The following SPOCK3 variants were observed in gnomAD, a reference collection of about 807,000 sequenced individuals.
The protein encoded by SPOCK3 is testican-3.
A neutral mutation model predicts 56.6 loss-of-function variants in SPOCK3; 30 were observed. The observed-to-expected ratio is 0.53, with a 90% confidence interval of 0.40 to 0.72. SPOCK3 has a LOEUF of 0.72. Among genes scored for constraint, SPOCK3 ranks in the 30% least tolerant of loss-of-function variants. The probability of loss-of-function intolerance (pLI) is 0.00; values close to 1 mark genes in which losing one functional copy is unlikely to be tolerated. For synonymous variants in SPOCK3, 196 were observed against 183.3 expected, an observed-to-expected ratio of 1.07 and a Z score of -0.56; for missense variants, 527 against 530.0, an observed-to-expected ratio of 0.99 and a Z score of 0.06.
chr4:167,233,935 C>T (rs752317883), intron 2 of SPOCK3, 50 bp downstream of exon 2: 1 of 1,553,820 alleles, frequency 6.4e-7, no homozygotes, highest in South Asian at 1.1e-5. Flanking sequence ...CGGCCCCCGC[C>T]TCGGAGCAGC....
At chr4:166,874,392 C>G (rs1017246538) in intron 6 of SPOCK3, among the ~76,000 whole-genome samples, 2 of 152,000 alleles carry the variant, frequency 1.3e-5, no homozygotes, top group African/African-American at 4.8e-5. Context: ...TTGTTAGCTT[C>G]CAAGTAGGGA....
chr4:167,169,412 C>T (rs770882577), intron 2 of SPOCK3, among the ~76,000 whole-genome samples: 2 of 152,152 alleles, frequency 1.3e-5, no homozygotes, highest in Admixed American at 6.5e-5. Context: ...ATGTGTGACA[C>T]GAAGTCAAAG....
chr4:166,927,401 G>A (rs144165048), intron 4 of SPOCK3, among the ~76,000 whole-genome samples: 158 of 152,256 alleles, frequency 1.0e-3, no homozygotes, highest in African/African-American at 3.7e-3. Context: ...CTCTCTTGCT[G>A]CCACCACGTA....
chr4:166,804,978 A>T lies in SPOCK3; in HGVS notation c.590-12689T>A, dbSNP rs536392680. On this transcript the variant is annotated intron_variant, in intron 6 of 10. Coordinates refer to ENST00000357545, the MANE Select transcript of SPOCK3 (RefSeq NM_001040159.2). ...ATGTTAATTTATTTAGATATTTAAG[A>T]TGCTTTCAACCAATATGCATCTCCA... 2.6e-5 allele frequency among the ~76,000 whole-genome samples: 4 copies of T among 152,264 alleles called. No individual in the cohort carries two copies. The East Asian group carries it at 7.7e-4, about 29-fold the overall frequency.
chr4:166,856,812 A>ATCTATCTATC (rs1560938571), intron 6 of SPOCK3, among the ~76,000 whole-genome samples: 5 of 87,820 alleles, frequency 5.7e-5, no homozygotes, highest in South Asian at 4.8e-4. Context: ...ATCTATCTAG[A>ATCTATCTATC]TATCTAGATA....
In SPOCK3 at chr4:167,036,731, A is replaced by G. The variant is rs138348418; in HGVS notation, c.235+25761T>C. Among the ~76,000 whole-genome samples, 1,292 of 152,118 alleles carry G rather than the reference A, an allele frequency of 8.5e-3. 17 individuals carry two copies. The highest frequency in any genetic ancestry group is 0.029 in the African/African-American group (1,218 of 41,510). On this transcript the variant is annotated intron_variant, in intron 3 of 10. Coordinates refer to ENST00000357545, the MANE Select transcript of SPOCK3 (RefSeq NM_001040159.2). ...GCTAAGCAAAGTTATAGCATCACAT[A>G]TTGTTTATATTATTCTATATTCTAA...
At chr4:166,805,585 A>T (rs1743077281) in intron 6 of SPOCK3, among the ~76,000 whole-genome samples, 1 of 152,136 alleles carries the variant, frequency 6.6e-6, no homozygotes, top group African/African-American at 2.4e-5. Flanking sequence ...GTAATCAAAA[A>T]ATGCATATTT....
chr4:166,806,061 G>A (rs1272410847), intron 6 of SPOCK3, among the ~76,000 whole-genome samples: 1 of 151,820 alleles, frequency 6.6e-6, no homozygotes, highest in Non-Finnish European at 1.5e-5. Flanking sequence ...TTATTTAAAA[G>A]CAATGTTGAA....
At chr4:166,883,869 C>T (rs746843198) in intron 6 of SPOCK3, among the ~76,000 whole-genome samples, 6 of 151,966 alleles carry the variant, frequency 3.9e-5, no homozygotes, top group South Asian at 2.1e-4. Flanking sequence ...AAATTATAAC[C>T]GCTAAAACAT....
intron 6 of SPOCK3, among the ~76,000 whole-genome samples, chr4:166,804,849 C>T (rs1742983934): frequency 6.6e-6 from 1 of 152,048 alleles, no homozygotes; most frequent in African/African-American, 2.4e-5. Context: ...TACAGCATTT[C>T]CCAAGACATC....
chr4:166,738,419 TA>T (rs869119319), intron 9 of SPOCK3, among the ~76,000 whole-genome samples: 2 of 43,132 alleles, frequency 4.6e-5, no homozygotes, highest in Middle Eastern at 9.8e-3. Context: ...AAATATTTTT[TA>T]TTTATTTATT....
chr4:166,940,907 G>C (rs1334419543), intron 4 of SPOCK3, among the ~76,000 whole-genome samples: 1 of 150,078 alleles, frequency 6.7e-6, no homozygotes, highest in Non-Finnish European at 1.5e-5. Flanking sequence ...GCTGATCTTT[G>C]CTGTCTCATC....
At chr4:166,996,219 G>T (rs1055312312) in intron 4 of SPOCK3, among the ~76,000 whole-genome samples, 6 of 152,016 alleles carry the variant, frequency 3.9e-5, no homozygotes, top group Admixed American at 6.6e-5. Context: ...CAGTGTAAAT[G>T]AAGTAGAAAT....
At chr4:166,889,339 T>A in intron 5 of SPOCK3, 95 bp from the exon 6 acceptor site, 1 of 747,022 alleles carries the variant, frequency 1.3e-6, no homozygotes, top group South Asian at 1.7e-5. Context: ...TTTTGATGCA[T>A]ATAATTTGGA....
chr4:166,852,204 G>A (rs1292212680), intron 6 of SPOCK3, among the ~76,000 whole-genome samples: 9 of 151,992 alleles, frequency 5.9e-5, no homozygotes, highest in Non-Finnish European at 8.8e-5. Flanking sequence ...GCTAGATGAC[G>A]AGTTAGTGGG....
chr4:167,205,381 ATATATATATTTTATATAT>A (rs1734078052), intron 2 of SPOCK3, among the ~76,000 whole-genome samples: 1 of 42,610 alleles, frequency 2.3e-5, no homozygotes, highest in African/African-American at 1.0e-4. Context: ...TATATATATA[ATATATATATTTTATATAT>A]AATATATTAT....
chr4:166,936,086 G>A (rs1251048571), intron 4 of SPOCK3, among the ~76,000 whole-genome samples: 2 of 152,070 alleles, frequency 1.3e-5, no homozygotes, highest in Admixed American at 1.3e-4. Context: ...CTAATGAGAA[G>A]ATTATAAGTT....
chr4:167,194,904 C>T (rs1048985285), intron 2 of SPOCK3, among the ~76,000 whole-genome samples: 12 of 152,154 alleles, frequency 7.9e-5, no homozygotes, highest in Non-Finnish European at 1.8e-4. Context: ...TCTGGGAGGT[C>T]TCCCATTCGG....
At chr4:166,926,150 C>G (rs552159032) in intron 4 of SPOCK3, among the ~76,000 whole-genome samples, 1 of 150,172 alleles carries the variant, frequency 6.7e-6, no homozygotes, top group South Asian at 2.1e-4. Flanking sequence ...ACATAATAAT[C>G]CCTTTGGTGA....
Sources: allele counts gnomAD v4.1 joint callset (sites outside exome capture counted in the v4.1 genomes callset), GRCh38; gene constraint gnomAD v4.1.1; transcripts MANE v1.5; gene names NCBI Gene and HGNC (gene_info 2026-07-23, HGNC 2026-07-21).